Variants in DLGAP1 observed in about 807,000 individuals in gnomAD.
DLGAP1 encodes disks large-associated protein 1.
In DLGAP1, 11 loss-of-function variants were observed where a neutral mutation model predicts 90.8. The ratio of observed to expected loss-of-function variants is 0.12; its 90% CI spans 0.08 to 0.20. The LOEUF is 0.20. DLGAP1 is among the 10% of genes least tolerant of loss of function. DLGAP1 has a pLI of 1.00. For missense variants in DLGAP1, 1,050 were observed against 1,333.8 expected, an observed-to-expected ratio of 0.79 and a Z score of 3.31; for synonymous variants, 558 against 540.7, an observed-to-expected ratio of 1.03 and a Z score of -0.44.
At chr18:4,345,055 A>G (rs2081277554) in intron 1 of DLGAP1, among the ~76,000 whole-genome samples, 1 of 152,150 alleles carries the variant, frequency 6.6e-6, no homozygotes, top group African/African-American at 2.4e-5. Context: ...TGTGTGCTTG[A>G]GAGGGCAAAC....
chr18:3,965,912 C>T (rs986766938), intron 3 of DLGAP1, among the ~76,000 whole-genome samples: 10 of 131,882 alleles, frequency 7.6e-5, no homozygotes, highest in Admixed American at 1.8e-4. Flanking sequence ...CCTACCACTG[C>T]ACTGGGCGAC....
At chr18:4,419,474 T>C (rs1218027770) in intron 1 of DLGAP1, among the ~76,000 whole-genome samples, 1 of 152,196 alleles carries the variant, frequency 6.6e-6, no homozygotes, top group Non-Finnish European at 1.5e-5. Flanking sequence ...AACTTCAATC[T>C]ACACAAAGAA....
intron 6 of DLGAP1, among the ~76,000 whole-genome samples, chr18:3,732,126 G>T (rs2062456097): frequency 6.6e-6 from 1 of 152,126 alleles, no homozygotes; most frequent in Admixed American, 6.6e-5. Context: ...CCCCATAGAG[G>T]TTCCCATAGT....
intron 4 of DLGAP1, among the ~76,000 whole-genome samples, chr18:3,864,156 C>T (rs1381416299): frequency 6.6e-6 from 1 of 152,120 alleles, no homozygotes; most frequent in Non-Finnish European, 1.5e-5. Flanking sequence ...ATTATAAAAT[C>T]ATTTAACAGA....
At chr18:4,334,552 T>A (rs2081028571) in intron 1 of DLGAP1, among the ~76,000 whole-genome samples, 1 of 151,916 alleles carries the variant, frequency 6.6e-6, no homozygotes, top group Admixed American at 6.6e-5. Flanking sequence ...TGTAAAAATG[T>A]CCTAGTCTGA....
chr18:4,243,141 C>A (rs2078580354), intron 1 of DLGAP1, among the ~76,000 whole-genome samples: 1 of 152,186 alleles, frequency 6.6e-6, no homozygotes, highest in African/African-American at 2.4e-5. Context: ...TTCTTGGACA[C>A]CTAAAACACC....
At chr18:4,106,803 G>A (rs965657290) in intron 2 of DLGAP1, among the ~76,000 whole-genome samples, 1 of 152,168 alleles carries the variant, frequency 6.6e-6, no homozygotes, top group Non-Finnish European at 1.5e-5. Context: ...AGTATTTGAT[G>A]TGTCCAGTGT....
chr18:3,662,571 GC>G (rs1392153048), intron 7 of DLGAP1, among the ~76,000 whole-genome samples: 2 of 152,162 alleles, frequency 1.3e-5, no homozygotes, highest in Non-Finnish European at 2.9e-5. Context: ...AGTCCTTAGA[GC>G]CCCCAGACTT....
chr18:3,701,667 C>T (rs754597948), intron 7 of DLGAP1, among the ~76,000 whole-genome samples: 10 of 152,146 alleles, frequency 6.6e-5, no homozygotes, highest in Non-Finnish European at 1.5e-4. Context: ...TGCAGAGAAG[C>T]TCTGTGGGCT....
intron 3 of DLGAP1, among the ~76,000 whole-genome samples, chr18:4,003,964 G>A (rs1165249486): frequency 6.6e-6 from 1 of 152,170 alleles, no homozygotes; most frequent in Non-Finnish European, 1.5e-5. Context: ...GGTGTATGAT[G>A]TAAGAGCTTA....
In DLGAP1 at chr18:3,517,127, C is replaced by T. The variant is rs781575509; in HGVS notation, c.2480-8466G>A. Among the ~76,000 whole-genome samples the T allele has an allele frequency of 4.6e-5, 7 of 152,154 alleles. No individual in the cohort carries two copies. The highest frequency in any genetic ancestry group is 7.2e-5 in the African/African-American group (3 of 41,428). On this transcript the variant is annotated intron_variant, in intron 10 of 12. Coordinates refer to ENST00000315677, the MANE Select transcript of DLGAP1 (RefSeq NM_004746.4). The surrounding 1 kb of genome is among the most constrained non-coding windows in gnomAD (Gnocchi z 4.1). ...TCTGTTGTTCTACTTATAGAGCACA[C>T]TTTATAAGAGCACACAAATTTAGCA...
intron 9 of DLGAP1, among the ~76,000 whole-genome samples, chr18:3,556,125 A>T (rs2053736667): frequency 6.6e-6 from 1 of 152,198 alleles, no homozygotes; most frequent in Non-Finnish European, 1.5e-5. Flanking sequence ...ACCCCTTTTT[A>T]AAATTAATAA....
intron 5 of DLGAP1, 139 bp from the exon 6 acceptor site, chr18:3,742,651 T>C: frequency 1.1e-5 from 11 of 957,774 alleles, no homozygotes; most frequent in Admixed American, 5.2e-5. Context: ...ATTACTAAAC[T>C]CCCCCACAGT....
chr18:4,262,880 G>A (rs1598750724), intron 1 of DLGAP1, among the ~76,000 whole-genome samples: 1 of 152,264 alleles, frequency 6.6e-6, no homozygotes, highest in East Asian at 1.9e-4. Context: ...ACTAAGAACA[G>A]AGGTGTAACA....
At chr18:4,011,414 G>A (rs1220287749) in intron 2 of DLGAP1, among the ~76,000 whole-genome samples, 1 of 152,112 alleles carries the variant, frequency 6.6e-6, no homozygotes, top group Non-Finnish European at 1.5e-5. Flanking sequence ...TCAAGGGGAT[G>A]TGCATATTTC....
chr18:4,372,744 T>C (rs573815976), intron 1 of DLGAP1, among the ~76,000 whole-genome samples: 2 of 151,904 alleles, frequency 1.3e-5, no homozygotes, highest in Non-Finnish European at 1.5e-5. Context: ...CTGGCCAACA[T>C]GGTGAAACCC....
chr18:3,864,259 G>A (rs1261368851), intron 4 of DLGAP1, among the ~76,000 whole-genome samples: 1 of 152,156 alleles, frequency 6.6e-6, no homozygotes, highest in Non-Finnish European at 1.5e-5. Context: ...GAAATGCAAC[G>A]CTTAGTTCTA....
At chr18:3,603,649 T>C (rs1397386031) in intron 7 of DLGAP1, 1 of 154,218 alleles carries the variant, frequency 6.5e-6, no homozygotes, top group Non-Finnish European at 1.5e-5. Context: ...GACTCATTCA[T>C]TGCTGTTAGC....
rs577278464 is a variant in DLGAP1 at position 4,064,636 on chromosome 18, T to C, written c.-158-59435A>G. On this transcript the variant is annotated intron_variant, in intron 2 of 12. Coordinates refer to ENST00000315677, the MANE Select transcript of DLGAP1 (RefSeq NM_004746.4). ...ATGGACACAGACACCCTCCCTAGAC[T>C]GAACCAGGAAGAAACCGAATCCCTG... Among the ~76,000 whole-genome samples the C allele has an allele frequency of 1.2e-4, 18 of 152,072 alleles. No homozygotes were observed. The South Asian group carries it at 3.5e-3, about 30-fold the overall frequency.
Sources: allele counts gnomAD v4.1 joint callset (sites outside exome capture counted in the v4.1 genomes callset), GRCh38; gene constraint gnomAD v4.1.1; non-coding constraint Gnocchi (gnomAD v3.1); transcripts MANE v1.5; gene names NCBI Gene and HGNC (gene_info 2026-07-23, HGNC 2026-07-21).